The following KPNA4 variants were observed in gnomAD, a reference collection of about 807,000 sequenced individuals.
The protein encoded by KPNA4 is karyopherin subunit alpha 4, also known as importin subunit alpha-3.
KPNA4 carries 13 observed loss-of-function variants against 71.3 expected under a neutral mutation model. The observed-to-expected ratio is 0.18, with a 90% confidence interval of 0.12 to 0.29. The LOEUF is 0.29. KPNA4 is among the 10% of genes least tolerant of loss of function. The pLI, the probability that KPNA4 is intolerant of heterozygous loss-of-function variation, is 1.00. For synonymous variants in KPNA4, 189 were observed against 195.2 expected (o/e 0.97, Z 0.26); for missense variants, 334 against 603.2 (o/e 0.55, Z 4.67).
Position 160,496,407 on chromosome 3 carries a change from A to G in KPNA4, c.*5697T>C, listed in dbSNP as rs1040748795. 1 of 152,200 alleles carries G rather than the reference A, an allele frequency of 6.6e-6. No homozygotes were observed. Among genetic ancestry groups the G allele is most frequent in the Non-Finnish European group, 1.5e-5 (1 of 68,066 alleles). 9.4% of individuals were successfully genotyped at this position (152,200 alleles called of 1,614,324 possible). A position where few individuals can be genotyped will look rare whatever the true frequency, so the allele number is the denominator to read the frequency against. On this transcript the variant is annotated 3_prime_UTR_variant, in exon 17 of 17. Transcript: ENST00000334256. ...AGGTAACTGGATTGAGAACCACAAA[A>G]AGCATGTAGATTTAAGCAGATTACG...
rs913995747 is a variant in KPNA4 at position 160,549,949 on chromosome 3, T to C, written c.70-13109A>G. Reference sequence around the variant, plus strand: ...ATGTTTTGCATATAAGCCTTTCTTTTATTTGGTTAGGTTTATTCCTAAGTA... The same window carrying C: ...ATGTTTTGCATATAAGCCTTTCTTTCATTTGGTTAGGTTTATTCCTAAGTA... On this transcript the variant is annotated intron_variant, in intron 1 of 16. Transcript: ENST00000334256. Among the ~76,000 whole-genome samples, 4 of 152,234 alleles carry C rather than the reference T, an allele frequency of 2.6e-5. 1 individual carries two copies. Among genetic ancestry groups the C allele is most frequent in the Non-Finnish European group, 5.9e-5 (4 of 68,040 alleles).
At chr3:160,517,490 T>C (rs557576859) in intron 11 of KPNA4, among the ~76,000 whole-genome samples, 1 of 152,216 alleles carries the variant, frequency 6.6e-6, no homozygotes, top group East Asian at 1.9e-4. Context: ...GAGTAATTAA[T>C]TGCCAGTTCA....
At chr3:160,515,240 G>A in intron 12 of KPNA4, 1 of 618,446 alleles carries the variant, frequency 1.6e-6, no homozygotes, top group Non-Finnish European at 3.0e-6. Flanking sequence ...ATTTCCAAGA[G>A]AGCCAAAATT....
chr3:160,563,309 C>A (rs902728462), intron 1 of KPNA4, among the ~76,000 whole-genome samples: 3 of 152,138 alleles, frequency 2.0e-5, no homozygotes, highest in Non-Finnish European at 2.9e-5. Context: ...TTGTACAATT[C>A]CATTTATATG....
intron 1 of KPNA4, among the ~76,000 whole-genome samples, chr3:160,537,852 CAT>C (rs1233138606): frequency 6.6e-6 from 1 of 151,818 alleles, no homozygotes; most frequent in African/African-American, 2.4e-5. Flanking sequence ...AATCCAAACA[CAT>C]ATCACTGCCT....
rs938281578 is a variant in KPNA4, at chr3:160,518,130, T to G, written c.904-2550A>C. On this transcript the variant is annotated intron_variant, in intron 11 of 16. Transcript: ENST00000334256. ...ATTTAGGTGTTTGATCTATTCTGAG[T>G]TTTTTTTTTTTTTTTGAGACGGAGT... is the stretch of plus-strand genomic sequence containing the variant. Among the ~76,000 whole-genome samples, 17 of 132,642 alleles carry G rather than the reference T, an allele frequency of 1.3e-4. 1 individual carries two copies. The highest frequency in any genetic ancestry group is 7.9e-4 in the Admixed American group (11 of 13,840). 87.0% of individuals were successfully genotyped at this position (132,642 alleles called of 152,430 possible).
rs138470425 is a variant in KPNA4 at position 160,505,614 on chromosome 3, A to C, written c.1373-562T>G. On this transcript the variant is annotated intron_variant, in intron 15 of 16. Transcript: ENST00000334256. ...TAAAAAGTATATACTTAACTTGTTGATACACAAATTGGATCCTGTTTTACT... is the reference window on the plus strand; with the variant it reads ...TAAAAAGTATATACTTAACTTGTTGCTACACAAATTGGATCCTGTTTTACT... Among the ~76,000 whole-genome samples the C allele has an allele frequency of 7.2e-5, 11 of 152,330 alleles. No homozygotes were observed. In the East Asian group the frequency reaches 2.1e-3, roughly 29 times the overall value.
intron 16 of KPNA4, among the ~76,000 whole-genome samples, chr3:160,503,941 G>A (rs565782588): frequency 3.9e-5 from 6 of 152,074 alleles, no homozygotes; most frequent in African/African-American, 7.2e-5. Flanking sequence ...AAAGTTATCC[G>A]GGCATAGTGG....
chr3:160,521,694 C>G (rs1203394170), intron 11 of KPNA4, 85 bp downstream of exon 11: 33 of 1,204,640 alleles, frequency 2.7e-5, no homozygotes, highest in Non-Finnish European at 3.9e-5. Flanking sequence ...ATACTTTAAA[C>G]TACTGAAATT....
At chr3:160,557,268 C>CA (rs1722156201) in intron 1 of KPNA4, among the ~76,000 whole-genome samples, 1 of 152,076 alleles carries the variant, frequency 6.6e-6, no homozygotes, top group Non-Finnish European at 1.5e-5. Context: ...TACAACCAAG[C>CA]AGAGACCACT....
At chr3:160,519,801 C>CAAAAAAAA (rs558355699) in intron 11 of KPNA4, among the ~76,000 whole-genome samples, 15 of 83,688 alleles carry the variant, frequency 1.8e-4, no homozygotes, top group African/African-American at 6.4e-4. Context: ...GACTCCGTCT[C>CAAAAAAAA]AAAAAAAAAA....
chr3:160,545,654 G>A (rs1721888523), intron 1 of KPNA4, among the ~76,000 whole-genome samples: 1 of 152,194 alleles, frequency 6.6e-6, no homozygotes, highest in South Asian at 2.1e-4. Flanking sequence ...GGAAGCCACT[G>A]GGGGATGAGC....
At chr3:160,557,895 T>C (rs1436131816) in intron 1 of KPNA4, among the ~76,000 whole-genome samples, 2 of 152,094 alleles carry the variant, frequency 1.3e-5, no homozygotes, top group East Asian at 3.9e-4. Flanking sequence ...TTGCCTAGGA[T>C]GGTCTCAAAC....
rs1164202581 is a variant in KPNA4 at position 160,502,224 on chromosome 3, G to T, written c.1468-22C>A. 2.3e-6 allele frequency: 3 copies of T among 1,319,456 alleles called. No individual in the cohort carries two copies. The South Asian group carries it at 4.3e-5, about 19-fold the overall frequency. 81.7% of individuals were successfully genotyped at this position (1,319,456 alleles called of 1,614,324 possible). A position where few individuals can be genotyped will look rare whatever the true frequency, so the allele number is the denominator to read the frequency against. On this transcript the variant is annotated intron_variant, in intron 16 of 16. Transcript: ENST00000334256. ...CAATCTAGGTGAAAAAAAAGAAAAAGAATGTGATAATTAGTTTTAAAATAT... is the reference window on the plus strand; with the variant it reads ...CAATCTAGGTGAAAAAAAAGAAAAATAATGTGATAATTAGTTTTAAAATAT...
At chr3:160,524,628 G>A (rs1721425781) in intron 10 of KPNA4, among the ~76,000 whole-genome samples, 1 of 152,122 alleles carries the variant, frequency 6.6e-6, no homozygotes, top group African/African-American at 2.4e-5. Flanking sequence ...ATAGGCATAA[G>A]CCACCACACC....
At chr3:160,514,775 T>C (rs1240890093) in intron 12 of KPNA4, 1 of 350,308 alleles carries the variant, frequency 2.9e-6, no homozygotes, top group Non-Finnish European at 5.6e-6. Context: ...TTAATCTTTT[T>C]ATGTTACCCT....
In KPNA4 at chr3:160,500,357, C is replaced by T. The variant is rs1445808229; in HGVS notation, c.*1747G>A. On this transcript the variant is annotated 3_prime_UTR_variant, in exon 17 of 17. Transcript: ENST00000334256. ...TTATGATCACAAAATAATTTTTATC[C>T]ATTCTACAGTGTTTCAGAATTACCA... 1 of 152,530 alleles carries T rather than the reference C, an allele frequency of 6.6e-6. No homozygotes were observed. Among genetic ancestry groups the T allele is most frequent in the African/African-American group, 2.4e-5 (1 of 41,420 alleles). 9.4% of individuals were successfully genotyped at this position (152,530 alleles called of 1,614,324 possible).
chr3:160,556,691 G>A (rs1722144692), intron 1 of KPNA4, among the ~76,000 whole-genome samples: 1 of 152,174 alleles, frequency 6.6e-6, no homozygotes, highest in Non-Finnish European at 1.5e-5. Context: ...TAAAGTTTCA[G>A]ATTTTGGAGC....
Position 160,565,205 on chromosome 3 carries a change from CGA to C in KPNA4, c.69+7_69+8del, listed in dbSNP as rs1722322691. 1.9e-6 allele frequency: 3 copies of C among 1,604,926 alleles called. No homozygotes were observed. Among genetic ancestry groups the C allele is most frequent in the South Asian group, 1.1e-5 (1 of 89,444 alleles). ...GCCCCCACCCCTCCGGCGTCGTCCC[CGA>C]GTTTACCTCCAAGTCGCGGCCTTTG... is the stretch of plus-strand genomic sequence containing the variant. On this transcript the variant is annotated splice_region_variant and intron_variant, in intron 1 of 16. Transcript: ENST00000334256.
Sources: gnomAD v4.1 joint callset for allele counts (sites outside exome capture counted in the v4.1 genomes callset) on GRCh38, gnomAD v4.1.1 for gene constraint, MANE v1.5 for transcripts, NCBI Gene and HGNC (gene_info 2026-07-23, HGNC 2026-07-21) for gene names.